Variants in JAKMIP1 observed in about 807,000 individuals in gnomAD.
The protein encoded by JAKMIP1 is janus kinase and microtubule interacting protein 1.
A neutral mutation model predicts 113.0 loss-of-function variants in JAKMIP1; 33 were observed. The observed-to-expected ratio is 0.29, with a 90% CI of 0.22 to 0.39. The LOEUF (loss-of-function observed/expected upper bound fraction) is 0.39, where lower values mean the gene tolerates loss of function less well. Among genes scored for constraint, JAKMIP1 ranks in the 10% least tolerant of loss-of-function variants. The pLI, the probability that JAKMIP1 is intolerant of heterozygous loss-of-function variation, is 1.00. For missense variants in JAKMIP1, 813 were observed against 1,080.5 expected (o/e 0.75, Z 3.47); for synonymous variants, 480 against 459.9 (o/e 1.04, Z -0.56).
At chr4:6,041,787 T>C (rs944129663) in intron 17 of JAKMIP1, among the ~76,000 whole-genome samples, 2 of 152,218 alleles carry the variant, frequency 1.3e-5, no homozygotes, top group Non-Finnish European at 2.9e-5. Flanking sequence ...TGCGCCAGCA[T>C]TTCCATATCT....
In JAKMIP1 at chr4:6,183,430, G is replaced by T. The variant is rs1260826169; in HGVS notation, c.-148+16823C>A. Among the ~76,000 whole-genome samples, 1 of 151,546 alleles carries T rather than the reference G, an allele frequency of 6.6e-6. No homozygotes were observed. Among genetic ancestry groups the T allele is most frequent in the Non-Finnish European group, 1.5e-5 (1 of 67,974 alleles). On this transcript the variant is annotated intron_variant, in intron 1 of 20. Coordinates refer to ENST00000409021, the MANE Select transcript of JAKMIP1 (RefSeq NM_001099433.2). This position sits in a 1 kb window ranked among gnomAD's most constrained non-coding sequence, Gnocchi z 5.3. Reference sequence around the variant, plus strand: ...GGAGGCAGAGGTTACAGTGAGCCAAGATCATGCCATTGCACTCCAGCCTGG... The same window carrying T: ...GGAGGCAGAGGTTACAGTGAGCCAATATCATGCCATTGCACTCCAGCCTGG...
chr4:6,178,299 C>T lies in JAKMIP1; in HGVS notation c.-148+21954G>A, dbSNP rs1405318792. The stretch of plus-strand genomic sequence containing the variant: ...CCTACGATATGGTTTGGCTGTGTCC[C>T]CACCCAAATCTCCTCTTGAATTGTA... On this transcript the variant is annotated intron_variant, in intron 1 of 20. Transcript: ENST00000409021. The surrounding 1 kb of genome is among the most constrained non-coding windows in gnomAD (Gnocchi z 5.5). Among the ~76,000 whole-genome samples, 2 of 152,202 alleles carry T rather than the reference C, an allele frequency of 1.3e-5. No homozygotes were observed. Among genetic ancestry groups the T allele is most frequent in the Non-Finnish European group, 2.9e-5 (2 of 68,034 alleles).
chr4:6,149,253 A>C (rs2099874143), intron 1 of JAKMIP1, among the ~76,000 whole-genome samples: 1 of 152,260 alleles, frequency 6.6e-6, no homozygotes, highest in African/African-American at 2.4e-5. Flanking sequence ...CACGCTAATC[A>C]AATAAAAAAT....
intron 8 of JAKMIP1, among the ~76,000 whole-genome samples, chr4:6,072,442 G>A (rs551931389): frequency 1.4e-4 from 22 of 152,330 alleles, no homozygotes; most frequent in Non-Finnish European, 2.6e-4. Context: ...GATCAGAGCT[G>A]CATGAAATGA....
chr4:6,160,943 T>A (rs1174532560), intron 1 of JAKMIP1, among the ~76,000 whole-genome samples: 1 of 122,746 alleles, frequency 8.1e-6, no homozygotes, highest in African/African-American at 3.3e-5. Flanking sequence ...GATCTCCACT[T>A]ATCTCCCCTG....
rs1304970203 is a variant in JAKMIP1, at chr4:6,154,084, T to G, written c.-147-41087A>C. Reference sequence around the variant, plus strand: ...AGCCCCCAGACCATGCCTGGCTGACTGCATCCTGCTGCCTATGGTGAGAAG... The same window carrying G: ...AGCCCCCAGACCATGCCTGGCTGACGGCATCCTGCTGCCTATGGTGAGAAG... On this transcript the variant is annotated intron_variant, in intron 1 of 20. Transcript: ENST00000409021. The surrounding 1 kb of genome is among the most constrained non-coding windows in gnomAD (Gnocchi z 4.2). Among the ~76,000 whole-genome samples, 1 of 152,182 alleles carries G rather than the reference T, an allele frequency of 6.6e-6. No individual in the cohort carries two copies. Among genetic ancestry groups the G allele is most frequent in the Non-Finnish European group, 1.5e-5 (1 of 68,048 alleles).
chr4:6,123,056 A>C (rs1716931043), intron 1 of JAKMIP1, among the ~76,000 whole-genome samples: 1 of 152,224 alleles, frequency 6.6e-6, no homozygotes, highest in African/African-American at 2.4e-5. Flanking sequence ...GAAAGATGTC[A>C]CTTGTTAACA....
chr4:6,062,929 G>A (rs1246061556), intron 9 of JAKMIP1, among the ~76,000 whole-genome samples: 1 of 152,184 alleles, frequency 6.6e-6, no homozygotes, highest in African/African-American at 2.4e-5. Context: ...GATCACCTGA[G>A]GTCAGGAGTT....
intron 17 of JAKMIP1, among the ~76,000 whole-genome samples, chr4:6,041,501 T>A (rs940308918): frequency 6.6e-6 from 1 of 152,172 alleles, no homozygotes. Context: ...GGCCTTTGAC[T>A]ACTCAAGAAC....
rs1326809952 is a variant in JAKMIP1 at position 6,187,856 on chromosome 4, T to A, written c.-148+12397A>T. On this transcript the variant is annotated intron_variant, in intron 1 of 20. Coordinates refer to ENST00000409021, the MANE Select transcript of JAKMIP1 (RefSeq NM_001099433.2). The surrounding 1 kb of genome is among the most constrained non-coding windows in gnomAD (Gnocchi z 4.2). ...TTCATCTTTAATAGTATTGATATAG[T>A]TGGACTTATGTCTTCCATTTTATTT... Among the ~76,000 whole-genome samples the A allele has an allele frequency of 6.6e-6, 1 of 152,260 alleles. No individual in the cohort carries two copies. The highest frequency in any genetic ancestry group is 1.5e-5 in the Non-Finnish European group (1 of 68,050).
At chr4:6,122,480 T>C (rs968913375) in intron 1 of JAKMIP1, among the ~76,000 whole-genome samples, 3 of 152,344 alleles carry the variant, frequency 2.0e-5, no homozygotes, top group African/African-American at 7.2e-5. Context: ...AGACGCTGCA[T>C]TGCATATTTA....
At chr4:6,100,615 G>A (rs982448817) in intron 3 of JAKMIP1, among the ~76,000 whole-genome samples, 5 of 152,122 alleles carry the variant, frequency 3.3e-5, no homozygotes, top group Non-Finnish European at 5.9e-5. Context: ...TACAGAGTCC[G>A]TAGGTGTCCT....
At chr4:6,112,118 T>C (rs1411327849) in intron 2 of JAKMIP1, among the ~76,000 whole-genome samples, 2 of 152,230 alleles carry the variant, frequency 1.3e-5, no homozygotes, top group African/African-American at 4.8e-5. Flanking sequence ...AGCCTGAGGA[T>C]GCCTTCATGC....
At position 6,041,621 on chromosome 4, in the gene JAKMIP1, T is replaced by C. The variant is rs79241298; in HGVS notation, c.2097+538A>G. Among the ~76,000 whole-genome samples the C allele has an allele frequency of 1.7e-4, 26 of 152,330 alleles. 1 individual carries two copies. In the East Asian group the frequency reaches 5.0e-3, roughly 29 times the overall value. On this transcript the variant is annotated intron_variant, in intron 17 of 20. Coordinates refer to ENST00000409021, the MANE Select transcript of JAKMIP1 (RefSeq NM_001099433.2). ...CAGGTACCCAAGGTGCCAAGCACAGTGCAACCCTGGTTATGTATGTAGCAT... is the reference window on the plus strand; with the variant it reads ...CAGGTACCCAAGGTGCCAAGCACAGCGCAACCCTGGTTATGTATGTAGCAT...
In JAKMIP1 at chr4:6,060,412, A is replaced by T; in HGVS notation, c.1644+12T>A. On this transcript the variant is annotated intron_variant, in intron 11 of 20. Coordinates refer to ENST00000409021, the MANE Select transcript of JAKMIP1 (RefSeq NM_001099433.2). ...GGCTAAGATTCACAGAGCACAGATCACTCCTGCTCACCTGTCCCTTCTCAA... is the reference window on the plus strand; with the variant it reads ...GGCTAAGATTCACAGAGCACAGATCTCTCCTGCTCACCTGTCCCTTCTCAA... 2 of 1,599,424 alleles carry T rather than the reference A, an allele frequency of 1.3e-6. No homozygotes were observed. The highest frequency in any genetic ancestry group is 1.7e-6 in the Non-Finnish European group (2 of 1,166,618).
At position 6,093,716 on chromosome 4, in the gene JAKMIP1, C is replaced by T. The variant is rs145983804; in HGVS notation, c.625-8087G>A. On this transcript the variant is annotated intron_variant, in intron 3 of 20. Transcript: ENST00000409021. This position sits in a 1 kb window ranked among gnomAD's most constrained non-coding sequence, Gnocchi z 4.6. ...CACCTGTACAGGGAGGTGTGGCTGC[C>T]GTGCCCTGAAAAGTATCCTGTCTCC... Among the ~76,000 whole-genome samples, 287 of 152,204 alleles carry T rather than the reference C, an allele frequency of 1.9e-3. 2 individuals are homozygous for T. Among genetic ancestry groups the T allele is most frequent in the African/African-American group, 6.6e-3 (274 of 41,528 alleles).
In JAKMIP1 at chr4:6,151,113, T is replaced by C. The variant is rs1721523722; in HGVS notation, c.-147-38116A>G. 1.3e-5 allele frequency among the ~76,000 whole-genome samples: 2 copies of C among 152,116 alleles called. 1 individual carries two copies. Among genetic ancestry groups the C allele is most frequent in the South Asian group, 4.1e-4 (2 of 4,822 alleles). ...AAGTACTCTGGTCTGGCATTCAAGC[T>C]CCTGAGCTTGTCTCCTGCTGCCCTC... On this transcript the variant is annotated intron_variant, in intron 1 of 20. Transcript: ENST00000409021.
chr4:6,149,503 T>C (rs1721298812), intron 1 of JAKMIP1, among the ~76,000 whole-genome samples: 1 of 152,164 alleles, frequency 6.6e-6, no homozygotes, highest in Non-Finnish European at 1.5e-5. Context: ...TAAGAAATAC[T>C]GAATTTGGGA....
rs960134739 is a variant in JAKMIP1 at position 6,138,427 on chromosome 4, G to C, written c.-147-25430C>G. ...CATTTTTGTATTTTTAGTAGAGATG[G>C]GGTTTCGCCATGTTGACCAGGCTGG... On this transcript the variant is annotated intron_variant, in intron 1 of 20. Coordinates refer to ENST00000409021, the MANE Select transcript of JAKMIP1 (RefSeq NM_001099433.2). This position sits in a 1 kb window ranked among gnomAD's most constrained non-coding sequence, Gnocchi z 6.0. Among the ~76,000 whole-genome samples, 1 of 151,920 alleles carries C rather than the reference G, an allele frequency of 6.6e-6. No individual in the cohort carries two copies. Among genetic ancestry groups the C allele is most frequent in the African/African-American group, 2.4e-5 (1 of 41,326 alleles).
Sources: gnomAD v4.1 joint callset for allele counts (sites outside exome capture counted in the v4.1 genomes callset) on GRCh38, gnomAD v4.1.1 for gene constraint, Gnocchi (gnomAD v3.1) non-coding constraint, MANE v1.5 for transcripts, NCBI Gene and HGNC (gene_info 2026-07-23, HGNC 2026-07-21) for gene names.